C2: variants seen among roughly 807,000 people sequenced by gnomAD.
C2 encodes C3/C5 convertase.
In C2, 64 loss-of-function variants were observed where a neutral mutation model predicts 85.2. The ratio of observed to expected loss-of-function variants is 0.75; its 90% confidence interval spans 0.61 to 0.92. C2 has a LOEUF of 0.92. Among genes scored for constraint, C2 ranks in the 40% least tolerant of loss-of-function variants. The pLI is 0.00. For synonymous variants in C2, 311 were observed against 370.8 expected (o/e 0.84, Z 1.85); for missense variants, 820 against 971.6 (o/e 0.84, Z 2.07).
At chr6:31,902,352 T>C (rs368261075) in intron 1 of C2, among the ~76,000 whole-genome samples, 2 of 151,690 alleles carry the variant, frequency 1.3e-5, no homozygotes, top group East Asian at 2.0e-4. Flanking sequence ...CGGCTGCCCA[T>C]GGCGCTACTC....
upstream of C2, among the ~76,000 whole-genome samples, chr6:31,898,660 T>A (rs1766899728): frequency 6.6e-6 from 1 of 151,134 alleles, no homozygotes; most frequent in South Asian, 2.1e-4. Context: ...TTTTTTTTTT[T>A]AGCTTTCCTG....
chr6:31,897,902 C>A, upstream of C2: 1 of 1,059,658 alleles, frequency 9.4e-7, no homozygotes, highest in Non-Finnish European at 1.1e-6. Flanking sequence ...CGAGACACGC[C>A]TGGGCCCAGG....
chr6:31,932,760 C>G (rs1770004157), intron 3 of C2, among the ~76,000 whole-genome samples: 1 of 152,226 alleles, frequency 6.6e-6, no homozygotes, highest in Admixed American at 6.5e-5. Context: ...GAGGCCAAGG[C>G]AGGCTGCTGG....
rs9267710 is a variant in C2, at chr6:31,932,183, T to C, written c.443-1427T>C. On this transcript the variant is annotated intron_variant, in intron 3 of 17. Coordinates refer to ENST00000299367, the MANE Select transcript of C2 (RefSeq NM_000063.6). ...GGCAGAGTGGCTCCTCACTTCCCAGTAGGGGCGGCCGGGCAGAGGCGCCCC... is the reference window on the plus strand; with the variant it reads ...GGCAGAGTGGCTCCTCACTTCCCAGCAGGGGCGGCCGGGCAGAGGCGCCCC... 3.5e-3 allele frequency among the ~76,000 whole-genome samples: 299 copies of C among 85,670 alleles called. 1 individual carries two copies. The highest frequency in any genetic ancestry group is 0.012 in the African/African-American group (256 of 22,146). The allele number at this position is 85,670 out of a possible 152,430, so 56.2% of individuals were successfully genotyped here. A position where few individuals can be genotyped will look rare whatever the true frequency, so the allele number is the denominator to read the frequency against.
Position 31,944,979 on chromosome 6 carries a change from G to A in C2, c.2030-1G>A, listed in dbSNP as rs1301119042. On this transcript the variant is annotated splice_acceptor_variant, in intron 16 of 17. Transcript: ENST00000299367. LOFTEE classifies it high-confidence loss of function. The surrounding 1 kb of genome is among the most constrained non-coding windows in gnomAD (Gnocchi z 5.1). ...TGTCTCCTGTCACCCTTTGCTGGCA[G>A]GAGAATCTGGGGGAGCAGTTTTCCT... The A allele has an allele frequency of 1.2e-6, 2 of 1,613,110 alleles. No homozygotes were observed. The highest frequency in any genetic ancestry group is 3.3e-5 in the Admixed American group (2 of 60,036).
In C2 at chr6:31,927,785, G is replaced by C. The variant is rs1434246066; in HGVS notation, c.33G>C (p.Leu11=). Reference sequence around the variant, plus strand: ...CACTGATGGTTCTTTTTTGCCTGCTGTTCCTGTACCCAGGTAGGAGGCAGG... The same window carrying C: ...CACTGATGGTTCTTTTTTGCCTGCTCTTCCTGTACCCAGGTAGGAGGCAGG... MGPLMVLFCL[L]FLYPGLADSA... is the part of the protein sequence containing the mutation. Residue 11 remains leucine, a synonymous_variant, in exon 1 of 18, where the codon CTG becomes CTC. Transcript: ENST00000299367. This position sits in a 1 kb window ranked among gnomAD's most constrained non-coding sequence, Gnocchi z 4.7. The C allele has an allele frequency of 1.9e-6, 3 of 1,613,684 alleles. No individual in the cohort carries two copies. The highest frequency in any genetic ancestry group is 2.5e-6 in the Non-Finnish European group (3 of 1,180,012).
chr6:31,926,586 C>A (rs1187552570), upstream of C2, among the ~76,000 whole-genome samples: 4 of 151,964 alleles, frequency 2.6e-5, no homozygotes, highest in Non-Finnish European at 5.9e-5. Flanking sequence ...CCCGCCTCAG[C>A]CTCCCAAAAT....
intron 5 of C2, 66 bp from the exon 6 acceptor site, chr6:31,934,100 G>A (rs1363516123): frequency 2.5e-6 from 4 of 1,592,844 alleles, no homozygotes. Context: ...AGAGAAGCTG[G>A]ACCTGCTTGG....
chr6:31,901,367 T>C (rs1767250246), intron 1 of C2: 1 of 1,512,376 alleles, frequency 6.6e-7, no homozygotes. Flanking sequence ...GGTCTCTGGC[T>C]CTCCGAAGCC....
chr6:31,926,335 CTTT>C (rs9281627), upstream of C2, among the ~76,000 whole-genome samples: 1 of 143,858 alleles, frequency 7.0e-6, no homozygotes. Context: ...TTTGTGTACT[CTTT>C]TTTTTTTTTT....
chr6:31,904,450 A>G lies in C2; in HGVS notation c.73+3311A>G, dbSNP rs1767583016. Among the ~76,000 whole-genome samples, 1 of 151,954 alleles carries G rather than the reference A, an allele frequency of 6.6e-6. No homozygotes were observed. Among genetic ancestry groups the G allele is most frequent in the African/African-American group, 2.4e-5 (1 of 41,318 alleles). On this transcript the variant is annotated intron_variant, in intron 1 of 3. Transcript: ENST00000452202. The surrounding 1 kb of genome is among the most constrained non-coding windows in gnomAD (Gnocchi z 4.4). ...TGCCTCAACCTCCCAAGTAGCTGGG[A>G]TTACAGGTGCCCGCCACCATGCCTA...
chr6:31,901,977 C>G (rs1424129886), intron 1 of C2: 2 of 148,438 alleles, frequency 1.3e-5, no homozygotes, highest in Non-Finnish European at 3.0e-5. Flanking sequence ...CGCGCGGGGC[C>G]GGCTCCGCGT....
rs1469571951 is a variant in C2 at position 31,942,678 on chromosome 6, T to TG, written c.1220-274dup. On this transcript the variant is annotated intron_variant, in intron 9 of 17. Coordinates refer to ENST00000299367, the MANE Select transcript of C2 (RefSeq NM_000063.6). ...TACGAAAGTGAGCCATGTGGAAGTC[T>TG]GGGGGGGAGGAGTGAACTAGGCAGA... Among the ~76,000 whole-genome samples the TG allele has an allele frequency of 3.3e-5, 5 of 152,080 alleles. No homozygotes were observed. In the South Asian group the frequency reaches 6.2e-4, roughly 19 times the overall value.
chr6:31,941,045 C>A (rs1770840987), intron 9 of C2: 1 of 152,286 alleles, frequency 6.6e-6, no homozygotes, highest in East Asian at 1.9e-4. Flanking sequence ...TGTGTGGGTC[C>A]AGGGCCTCCA....
rs754774682 is a variant in C2 at position 31,944,790 on chromosome 6, A to G, written c.1966A>G (p.Arg656Gly). 6.2e-7 allele frequency: 1 copy of G among 1,613,102 alleles called. No homozygotes were observed. The highest frequency in any genetic ancestry group is 8.5e-7 in the Non-Finnish European group (1 of 1,180,012). ...CATGTTCCCCAACTTGACAGATGTC[A>G]GGGAGGTGGTGACAGACCAGTTCCT... Reference protein sequence around the residue: ...KTMFPNLTDVREVVTDQFLCS... With the variant: ...KTMFPNLTDVGEVVTDQFLCS... Residue 656 changes from arginine to glycine, a missense_variant, in exon 16 of 18, where the codon AGG (arginine) becomes GGG (glycine). Arg to Gly is a moderately radical substitution (Grantham distance 125). Coordinates refer to ENST00000299367, the MANE Select transcript of C2 (RefSeq NM_000063.6). This position sits in a 1 kb window ranked among gnomAD's most constrained non-coding sequence, Gnocchi z 5.1.
chr6:31,934,501 C>T (rs1770248964), intron 6 of C2: 2 of 1,243,098 alleles, frequency 1.6e-6, no homozygotes, highest in African/African-American at 3.0e-5. Context: ...GGACACTGTG[C>T]TGGGGCTGGG....
chr6:31,928,025 T>C lies in C2; in HGVS notation c.117T>C (p.His39=), dbSNP rs1225055065. The change falls in exon 2 of 18, where the codon CAT becomes CAC. Residue 39 remains histidine, a synonymous_variant. Transcript: ENST00000299367. ...CGGGTGGCACCTTCACCCTCAGCCA[T>C]GGCTGGGCTCCTGGGAGCCTTCTCA... ...NISGGTFTLS[H]GWAPGSLLTY... The C allele has an allele frequency of 3.1e-6, 5 of 1,614,170 alleles. No homozygotes were observed. The South Asian group carries it at 4.4e-5, about 14-fold the overall frequency.
chr6:31,913,720 C>A (rs1582031037), intron 1 of C2, among the ~76,000 whole-genome samples: 1 of 151,946 alleles, frequency 6.6e-6, no homozygotes. Context: ...GATCTCGGCT[C>A]ACTGCAACCT....
At position 31,935,976 on chromosome 6, in the gene C2, G is replaced by T; in HGVS notation, c.903G>T (p.Glu301Asp). The change falls in exon 7 of 18, where the codon GAG becomes GAT. Residue 301 changes from glutamate (E) to aspartate (D), a missense_variant. Coordinates refer to ENST00000299367, the MANE Select transcript of C2 (RefSeq NM_000063.6). This position sits in a 1 kb window ranked among gnomAD's most constrained non-coding sequence, Gnocchi z 4.3. ...TTGCCATTATCACCTTTGCCTCAGA[G>T]CCCAAAGTCCTCATGTCTGTCCTGA... ...VSVAIITFAS[E>D]PKVLMSVLND... 6.2e-7 allele frequency: 1 copy of T among 1,613,006 alleles called. No homozygotes were observed. The highest frequency in any genetic ancestry group is 8.5e-7 in the Non-Finnish European group (1 of 1,180,018).
Sources: gnomAD v4.1 joint callset for allele counts (sites outside exome capture counted in the v4.1 genomes callset) on GRCh38, gnomAD v4.1.1 for gene constraint, Gnocchi (gnomAD v3.1) non-coding constraint, MANE v1.5 for transcripts, NCBI Gene and HGNC (gene_info 2026-07-23, HGNC 2026-07-21) for gene names.